ENOX1: variants seen among roughly 807,000 people sequenced by gnomAD.
ENOX1 encodes ecto-NOX disulfide-thiol exchanger 1, also known as candidate growth-related and time keeping constitutive hydroquinone (NADH) oxidase.
ENOX1 carries 42 observed loss-of-function variants against 82.5 expected under a neutral mutation model. The ratio of observed to expected loss-of-function variants is 0.51; its 90% CI spans 0.40 to 0.66. The LOEUF is 0.66. Among genes scored for constraint, ENOX1 ranks in the 30% least tolerant of loss-of-function variants. ENOX1 has a pLI of 0.00. For missense variants in ENOX1, 608 were observed against 811.6 expected, an observed-to-expected ratio of 0.75 and a Z score of 3.05; for synonymous variants, 271 against 282.2, an observed-to-expected ratio of 0.96 and a Z score of 0.40.
At chr13:43,726,403 G>A (rs1385564981) in intron 1 of ENOX1, among the ~76,000 whole-genome samples, 2 of 151,910 alleles carry the variant, frequency 1.3e-5, no homozygotes, top group Non-Finnish European at 1.5e-5. Context: ...TTTTAGTAGA[G>A]ACAGGGTTTC....
At chr13:43,616,186 C>CTA (rs1566642256) in intron 2 of ENOX1, among the ~76,000 whole-genome samples, 1 of 6,956 alleles carries the variant, frequency 1.4e-4, no homozygotes. Context: ...ATCTATCTAT[C>CTA]TATATATATA....
chr13:43,526,312 A>G (rs533809967), intron 2 of ENOX1, among the ~76,000 whole-genome samples: 1 of 152,088 alleles, frequency 6.6e-6, no homozygotes, highest in Non-Finnish European at 1.5e-5. Flanking sequence ...TCACTTTTTC[A>G]TCATCCTTTA....
At position 43,247,872 on chromosome 13, in the gene ENOX1, TATATA is replaced by T. The variant is rs2043207461; in HGVS notation, c.1612-11139_1612-11135del. Among the ~76,000 whole-genome samples, 3 of 2,524 alleles carry T rather than the reference TATATA, an allele frequency of 1.2e-3. 1 individual carries two copies. Among genetic ancestry groups the T allele is most frequent in the African/African-American group, 2.3e-3 (2 of 872 alleles). The allele number at this position is 2,524 out of a possible 152,430, so 1.7% of individuals were successfully genotyped here. On this transcript the variant is annotated intron_variant, in intron 14 of 16. Coordinates refer to ENST00000690772, the MANE Select transcript of ENOX1 (RefSeq NM_001347969.2). Reference sequence around the variant, plus strand: ...ATATATATATATATATATATATATATATATATATATATTTTTTTTTTTTTTTTTTT... The same window carrying T: ...ATATATATATATATATATATATATATTATATATTTTTTTTTTTTTTTTTTT...
intron 2 of ENOX1, among the ~76,000 whole-genome samples, chr13:43,561,587 G>A (rs1039958718): frequency 6.6e-6 from 1 of 152,104 alleles, no homozygotes; most frequent in African/African-American, 2.4e-5. Flanking sequence ...ATTACATATA[G>A]CACAATAGAA....
intron 2 of ENOX1, among the ~76,000 whole-genome samples, chr13:43,507,767 T>G (rs778906364): frequency 4.6e-5 from 7 of 151,996 alleles, no homozygotes; most frequent in Non-Finnish European, 1.0e-4. Flanking sequence ...AAAGGGGATT[T>G]CTAAATATTT....
intron 2 of ENOX1, among the ~76,000 whole-genome samples, chr13:43,592,599 ATGCAAAAC>A (rs1299985760): frequency 3.3e-5 from 5 of 152,352 alleles, no homozygotes; most frequent in Non-Finnish European, 7.4e-5. Context: ...TTACATCAGA[ATGCAAAAC>A]TTATTGGTAT....
intron 2 of ENOX1, among the ~76,000 whole-genome samples, chr13:43,660,354 C>T (rs763908545): frequency 1.9e-4 from 29 of 152,140 alleles, no homozygotes; most frequent in Non-Finnish European, 3.7e-4. Flanking sequence ...CAGGAACTAA[C>T]ACATGTATTT....
intron 1 of ENOX1, among the ~76,000 whole-genome samples, chr13:43,677,016 C>G (rs1202707655): frequency 6.6e-6 from 1 of 152,064 alleles, no homozygotes; most frequent in African/African-American, 2.4e-5. Context: ...AAACTGCCCA[C>G]CGAGTCTCCC....
rs1014530314 is a variant in ENOX1 at position 43,619,699 on chromosome 13, G to C, written c.-219+47780C>G. Among the ~76,000 whole-genome samples, 4 of 152,000 alleles carry C rather than the reference G, an allele frequency of 2.6e-5. No individual in the cohort carries two copies. In the South Asian group the frequency reaches 8.3e-4, roughly 32 times the overall value. On this transcript the variant is annotated intron_variant, in intron 2 of 16. Transcript: ENST00000690772. ...GGCATCTATGTTCATCAAGGATATC[G>C]GTCTGTAGTTTTCTTTTTTGGCTAT...
intron 3 of ENOX1, among the ~76,000 whole-genome samples, chr13:43,421,258 C>T (rs1055868277): frequency 2.6e-5 from 4 of 152,158 alleles, no homozygotes; most frequent in African/African-American, 9.7e-5. Flanking sequence ...GATAAGGTTA[C>T]ATTCTGATAA....
At chr13:43,258,816 G>T (rs920202306) in intron 14 of ENOX1, among the ~76,000 whole-genome samples, 2 of 152,144 alleles carry the variant, frequency 1.3e-5, no homozygotes, top group African/African-American at 4.8e-5. Flanking sequence ...TCCAAAAAAG[G>T]TCTCGTCTCC....
intron 1 of ENOX1, among the ~76,000 whole-genome samples, chr13:43,779,183 TAAA>T (rs57388902): frequency 4.2e-5 from 5 of 118,054 alleles, no homozygotes; most frequent in Admixed American, 8.7e-5. Flanking sequence ...CCTCGTTATT[TAAA>T]AAAAAAAAAA....
intron 3 of ENOX1, among the ~76,000 whole-genome samples, chr13:43,416,303 C>T: frequency 6.8e-6 from 1 of 147,842 alleles, no homozygotes; most frequent in South Asian, 2.2e-4. Flanking sequence ...ATGCTCCCCA[C>T]TTCCCAGACG....
intron 2 of ENOX1, among the ~76,000 whole-genome samples, chr13:43,580,368 C>T (rs367660278): frequency 2.0e-5 from 3 of 152,152 alleles, no homozygotes; most frequent in South Asian, 2.1e-4. Flanking sequence ...AGTAATGTTA[C>T]GTAGCATTCA....
At chr13:43,603,849 C>T (rs189533017) in intron 2 of ENOX1, among the ~76,000 whole-genome samples, 1,446 of 108,266 alleles carry the variant, frequency 0.013, 88 homozygotes, top group African/African-American at 0.057. Flanking sequence ...AATAAACATT[C>T]GTGTGCATGT....
In ENOX1 at chr13:43,338,742, G is replaced by A. The variant is rs186976350; in HGVS notation, c.1036+5796C>T. Among the ~76,000 whole-genome samples, 26 of 133,066 alleles carry A rather than the reference G, an allele frequency of 2.0e-4. No individual in the cohort carries two copies. In the East Asian group the frequency reaches 3.2e-3, roughly 16 times the overall value. The allele number at this position is 133,066 out of a possible 152,430, so 87.3% of individuals were successfully genotyped here. On this transcript the variant is annotated intron_variant, in intron 9 of 16. Coordinates refer to ENST00000690772, the MANE Select transcript of ENOX1 (RefSeq NM_001347969.2). ...GCTCTGTCACCCAGGCTGGAGTGCAGTGGCGCCATCTCGGCTCACTGCAAG... is the reference window on the plus strand; with the variant it reads ...GCTCTGTCACCCAGGCTGGAGTGCAATGGCGCCATCTCGGCTCACTGCAAG...
At chr13:43,501,292 T>G (rs1464718362) in intron 2 of ENOX1, among the ~76,000 whole-genome samples, 3 of 151,268 alleles carry the variant, frequency 2.0e-5, no homozygotes, top group Non-Finnish European at 4.4e-5. Flanking sequence ...GAAAAAAGAG[T>G]CAGTTTAACA....
At chr13:43,552,699 T>C (rs2079255963) in intron 2 of ENOX1, among the ~76,000 whole-genome samples, 2 of 152,260 alleles carry the variant, frequency 1.3e-5, no homozygotes, top group Non-Finnish European at 2.9e-5. Context: ...CCTGGGTCAT[T>C]AACTGAGGTC....
At chr13:43,633,220 A>C (rs1039456278) in intron 2 of ENOX1, among the ~76,000 whole-genome samples, 1 of 152,232 alleles carries the variant, frequency 6.6e-6, no homozygotes, top group Non-Finnish European at 1.5e-5. Flanking sequence ...CAAATAAGTA[A>C]AACATTTTAA....
Sources: allele counts gnomAD v4.1 joint callset (sites outside exome capture counted in the v4.1 genomes callset), GRCh38; gene constraint gnomAD v4.1.1; transcripts MANE v1.5; gene names NCBI Gene and HGNC (gene_info 2026-07-23, HGNC 2026-07-21).